Variants in MPC2 observed in about 807,000 individuals in gnomAD.
MPC2 encodes brain protein 44.
In MPC2, 19 loss-of-function variants were observed where a neutral mutation model predicts 19.2. The observed-to-expected ratio is 0.99, with a 90% CI of 0.69 to 1.45. The LOEUF (loss-of-function observed/expected upper bound fraction) is 1.45. Ranked by LOEUF, MPC2 falls within the 40% of genes most tolerant of loss-of-function variation. The pLI is 0.00. For missense variants in MPC2, 122 were observed against 153.0 expected, an observed-to-expected ratio of 0.80 and a Z score of 1.07; for synonymous variants, 61 against 54.3, an observed-to-expected ratio of 1.12 and a Z score of -0.54.
rs1670558192 is a variant in MPC2 at position 167,919,906 on chromosome 1, T to C, written c.347+73A>G. 3.0e-6 allele frequency: 3 copies of C among 998,812 alleles called. No individual in the cohort carries two copies. In the Admixed American group the frequency reaches 7.1e-5, roughly 24 times the overall value. The allele number at this position is 998,812 out of a possible 1,614,324, so 61.9% of individuals were successfully genotyped here. On this transcript the variant is annotated intron_variant, in intron 5 of 5. Transcript: ENST00000271373. ...CTGGGCAACAGAGCGAGACCCCGTC[T>C]CAAAAAAAAAAAAAATTAGTGCCAT...
At chr1:167,926,154 A>G (rs937415287) in intron 2 of MPC2, among the ~76,000 whole-genome samples, 6 of 152,196 alleles carry the variant, frequency 3.9e-5, no homozygotes, top group African/African-American at 1.2e-4. Context: ...GTATCTAACC[A>G]TTTTTACATT....
chr1:167,924,405 A>AT lies in MPC2; in HGVS notation c.150+91_150+92insA, dbSNP rs1670679874. 2.8e-6 allele frequency: 3 copies of AT among 1,055,360 alleles called. No homozygotes were observed. The African/African-American group carries it at 4.9e-5, about 17-fold the overall frequency. The allele number at this position is 1,055,360 out of a possible 1,614,324, so 65.4% of individuals were successfully genotyped here. A position where few individuals can be genotyped will look rare whatever the true frequency, so the allele number is the denominator to read the frequency against. ...TCTAGAGGCATACCAAGAATACTCT[A>AT]AAGTATATCCTTCATAAAAGTTACT... On this transcript the variant is annotated intron_variant, in intron 3 of 5. Coordinates refer to ENST00000271373, the MANE Select transcript of MPC2 (RefSeq NM_001143674.4).
Position 167,935,789 on chromosome 1 carries a change from T to C in MPC2, c.53A>G (p.Asp18Gly). 2 of 1,561,888 alleles carry C rather than the reference T, an allele frequency of 1.3e-6. No individual in the cohort carries two copies. The highest frequency in any genetic ancestry group is 2.4e-5 in the East Asian group (1 of 41,982). The change falls in exon 2 of 6, where the codon GAT becomes GGT. Residue 18 changes from aspartate to glycine, a missense_variant. Coordinates refer to ENST00000271373, the MANE Select transcript of MPC2 (RefSeq NM_001143674.4). ...GLRATYHRLL[D>G]KVELMLPEKL... The stretch of plus-strand genomic sequence containing the variant: ...CTCGGGCAGCATCAGCTCCACTTTA[T>C]CGAGGAGCCGGTGGTAGGTGGCCCG...
chr1:167,927,682 T>TAATA (rs60287467), intron 2 of MPC2, among the ~76,000 whole-genome samples: 24,445 of 151,128 alleles, frequency 0.16, 2,598 homozygotes, highest in African/African-American at 0.31. Context: ...CCTTTGGGGT[T>TAATA]AATAGTCGAT....
At chr1:167,927,013 C>T (rs943056163) in intron 2 of MPC2, among the ~76,000 whole-genome samples, 6 of 152,214 alleles carry the variant, frequency 3.9e-5, no homozygotes, top group African/African-American at 1.4e-4. Context: ...GCATCTGTCA[C>T]ATTAACCCGA....
chr1:167,933,791 T>C (rs1054574339), intron 2 of MPC2, among the ~76,000 whole-genome samples: 1 of 152,232 alleles, frequency 6.6e-6, no homozygotes, highest in African/African-American at 2.4e-5. Flanking sequence ...CTGGTGTGCC[T>C]CCAACTTGTC....
chr1:167,919,828 C>A (rs1670555367), intron 5 of MPC2, 151 bp downstream of exon 5: 2 of 498,592 alleles, frequency 4.0e-6, no homozygotes, highest in Admixed American at 7.6e-5. Flanking sequence ...TTAGATACTT[C>A]TTGTCTTAGC....
rs745793010 is a variant in MPC2, at chr1:167,935,762, T to C, written c.80A>G (p.Lys27Arg). The C allele has an allele frequency of 6.3e-5, 99 of 1,565,114 alleles. No individual in the cohort carries two copies. The highest frequency in any genetic ancestry group is 8.1e-5 in the Non-Finnish European group (93 of 1,154,566). The change falls in exon 2 of 6, where the codon AAA (lysine) becomes AGA (arginine). Residue 27 changes from lysine to arginine, a missense_variant. By Grantham distance (26) the Lys-to-Arg change is conservative. Coordinates refer to ENST00000271373, the MANE Select transcript of MPC2 (RefSeq NM_001143674.4). ...LDKVELMLPE[K>R]LRPLYNHPAG... The stretch of plus-strand genomic sequence containing the variant: ...TGGATGGTTGTACAACGGCCTCAAT[T>C]TCTCGGGCAGCATCAGCTCCACTTT...
chr1:167,919,730 T>C (rs1157501876), intron 5 of MPC2, among the ~76,000 whole-genome samples: 1 of 152,192 alleles, frequency 6.6e-6, no homozygotes, highest in Non-Finnish European at 1.5e-5. Context: ...GGTAACATAC[T>C]GCTTAACTGA....
chr1:167,923,048 C>T (rs956182761), intron 3 of MPC2, among the ~76,000 whole-genome samples: 2 of 152,054 alleles, frequency 1.3e-5, no homozygotes, highest in East Asian at 3.8e-4. Flanking sequence ...AAATGCTCCC[C>T]CATCAAAAGT....
intron 1 of MPC2, 70 bp downstream of exon 1, chr1:167,936,869 C>A: frequency 6.7e-7 from 1 of 1,503,632 alleles, no homozygotes; most frequent in Non-Finnish European, 9.1e-7. Flanking sequence ...TCCTCCCCTC[C>A]CCCACGCGGT....
intron 2 of MPC2, among the ~76,000 whole-genome samples, chr1:167,925,506 C>T (rs539985927): frequency 3.2e-5 from 4 of 125,270 alleles, no homozygotes; most frequent in South Asian, 2.5e-4. Flanking sequence ...TATATATATA[C>T]ACATACAAAC....
intron 1 of MPC2, 163 bp from the exon 2 acceptor site, chr1:167,936,061 C>T (rs1671168793): frequency 1.7e-6 from 1 of 587,776 alleles, no homozygotes; most frequent in Non-Finnish European, 3.1e-6. Flanking sequence ...ACTGCCAGCC[C>T]CCGGTCCGCC....
Position 167,919,988 on chromosome 1 carries a change from C to T in MPC2, c.338G>A (p.Arg113His), listed in dbSNP as rs1352437687. Residue 113 changes from arginine to histidine, a missense_variant, in exon 5 of 6, where the codon CGT becomes CAT. By Grantham distance (29) the Arg-to-His change is conservative. Coordinates refer to ENST00000271373, the MANE Select transcript of MPC2 (RefSeq NM_001143674.4). ...TCTCTGGTAGGCTTACCTCCAAATA[C>T]GAAAAAGCTGAGAGGCTCCTGCTGC... The part of the protein sequence containing the change: ...VGAAGASQLF[R>H]IWRYNQELKA... 5.0e-6 allele frequency: 8 copies of T among 1,609,640 alleles called. No homozygotes were observed. The highest frequency in any genetic ancestry group is 5.9e-6 in the Non-Finnish European group (7 of 1,178,064).
Position 167,935,767 on chromosome 1 carries a change from G to C in MPC2, c.75C>G (p.Pro25=), listed in dbSNP as rs1190828139. The C allele has an allele frequency of 3.8e-6, 6 of 1,565,368 alleles. No individual in the cohort carries two copies. In the East Asian group the frequency reaches 9.5e-5, roughly 25 times the overall value. ...GGTTGTACAACGGCCTCAATTTCTC[G>C]GGCAGCATCAGCTCCACTTTATCGA... The part of the protein sequence containing the change: ...RLLDKVELML[P]EKLRPLYNHP... The change falls in exon 2 of 6, where the codon CCC becomes CCG. Residue 25 remains proline (P), a synonymous_variant. Transcript: ENST00000271373.
chr1:167,925,971 T>C (rs1224573009), intron 2 of MPC2, among the ~76,000 whole-genome samples: 1 of 152,232 alleles, frequency 6.6e-6, no homozygotes, highest in African/African-American at 2.4e-5. Context: ...TCTAATTTAA[T>C]CCTAAAGTCC....
intron 1 of MPC2, chr1:167,936,563 C>G (rs1248543718): frequency 3.5e-6 from 1 of 288,290 alleles, no homozygotes; most frequent in Non-Finnish European, 6.6e-6. Context: ...GTCGTCATCT[C>G]GCGAGAAAGG....
rs932060690 is a variant in MPC2 at position 167,917,564 on chromosome 1, C to A, written c.*759G>T. On this transcript the variant is annotated 3_prime_UTR_variant, in exon 6 of 6. Coordinates refer to ENST00000271373, the MANE Select transcript of MPC2 (RefSeq NM_001143674.4). ...AGTGAGCCGAGATTGTGCCACTGCA[C>A]TCCAGCCTGGGCCACAGAGCGAGAC... 6.8e-6 allele frequency: 1 copy of A among 147,446 alleles called. No homozygotes were observed. The highest frequency in any genetic ancestry group is 2.5e-5 in the African/African-American group (1 of 39,414). 9.1% of individuals were successfully genotyped at this position (147,446 alleles called of 1,614,324 possible). A position where few individuals can be genotyped will look rare whatever the true frequency, so the allele number is the denominator to read the frequency against.
At chr1:167,936,872 C>A (rs776464027) in intron 1 of MPC2, 67 bp downstream of exon 1, 5 of 1,519,066 alleles carry the variant, frequency 3.3e-6, no homozygotes, top group African/African-American at 2.7e-5. Context: ...TCCCCTCCCC[C>A]ACGCGGTGGT....
Sources: gnomAD v4.1 joint callset for allele counts (sites outside exome capture counted in the v4.1 genomes callset) on GRCh38, gnomAD v4.1.1 for gene constraint, MANE v1.5 for transcripts, NCBI Gene and HGNC (gene_info 2026-07-23, HGNC 2026-07-21) for gene names.